The following UBE2L5 variants were observed in gnomAD, a reference collection of about 807,000 sequenced individuals.
UBE2L5 encodes the protein ubiquitin conjugating enzyme E2 L5.
In UBE2L5, 3 loss-of-function variants were observed where a neutral mutation model predicts 10.0. The ratio of observed to expected loss-of-function variants is 0.30; its 90% CI spans 0.14 to 0.78. UBE2L5 has a LOEUF of 0.78. Ranked by LOEUF, UBE2L5 falls within the 30% of genes least tolerant of loss-of-function variation. The probability of loss-of-function intolerance (pLI) is 0.65; values close to 1 mark genes in which losing one functional copy is unlikely to be tolerated. For missense variants in UBE2L5, 131 were observed against 193.3 expected, an observed-to-expected ratio of 0.68 and a Z score of 1.91; for synonymous variants, 60 against 71.9, an observed-to-expected ratio of 0.83 and a Z score of 0.83.
intron 1 of UBE2L5, among the ~76,000 whole-genome samples, chr13:30,423,043 A>G (rs1349904344): frequency 1.3e-5 from 2 of 152,254 alleles, no homozygotes; most frequent in African/African-American, 4.8e-5. Flanking sequence ...AATAATAGCA[A>G]TGACAAAACT....
At chr13:30,423,860 A>C (rs1885501714) in intron 1 of UBE2L5, among the ~76,000 whole-genome samples, 1 of 152,226 alleles carries the variant, frequency 6.6e-6, no homozygotes. Context: ...GCAGATGCAC[A>C]GACAGGTTCT....
In UBE2L5 at chr13:30,429,286, C is replaced by CCG. The variant is rs1885589068; in HGVS notation, c.*832_*833insGC. Among the ~76,000 whole-genome samples the CCG allele has an allele frequency of 6.6e-6, 1 of 151,680 alleles. No homozygotes were observed. Among genetic ancestry groups the CCG allele is most frequent in the East Asian group, 1.9e-4 (1 of 5,160 alleles). ...GGCAACAAGAGCAAAACTCTGTCCC[C>CCG]CCCCCACAAAAAAAAATTGATTGAA... On this transcript the variant is annotated 3_prime_UTR_variant, in exon 4 of 4. Coordinates refer to ENST00000635918, the MANE Select transcript of UBE2L5 (RefSeq NM_001355247.2).
intron 2 of UBE2L5, among the ~76,000 whole-genome samples, chr13:30,426,116 G>A (rs1316122233): frequency 6.6e-6 from 1 of 152,060 alleles, no homozygotes; most frequent in Non-Finnish European, 1.5e-5. Context: ...TTTGAGACCA[G>A]CCTGGCCAAC....
chr13:30,423,022 T>C (rs1342314432), intron 1 of UBE2L5, among the ~76,000 whole-genome samples: 2 of 152,258 alleles, frequency 1.3e-5, no homozygotes, highest in Non-Finnish European at 2.9e-5. Flanking sequence ...AGTAACATGA[T>C]AAAATCATTA....
rs771910218 is a variant in UBE2L5 at position 30,428,493 on chromosome 13, A to G, written c.*38A>G. 1.1e-3 allele frequency: 1,751 copies of G among 1,604,696 alleles called. 2 individuals carry two copies. The highest frequency in any genetic ancestry group is 1.3e-3 in the Non-Finnish European group (1,502 of 1,177,842). ...TTGGTTCCAGCAAGTGTGAGCAGAG[A>G]CCCCGTGCAGTACATTCAGACACCC... On this transcript the variant is annotated 3_prime_UTR_variant, in exon 4 of 4. Coordinates refer to ENST00000635918, the MANE Select transcript of UBE2L5 (RefSeq NM_001355247.2).
Position 30,427,694 on chromosome 13 carries a change from C to A in UBE2L5, c.-297C>A. On this transcript the variant is annotated 5_prime_UTR_variant, in exon 4 of 4. Transcript: ENST00000635918. ...TGGCACGTGCCTGTAATCACAGCCA[C>A]TTGGGAGGCCGAGGCGAGAGGATGG... 1 of 394,962 alleles carries A rather than the reference C, an allele frequency of 2.5e-6. No homozygotes were observed. Among genetic ancestry groups the A allele is most frequent in the Non-Finnish European group, 4.5e-6 (1 of 223,052 alleles). 24.5% of individuals were successfully genotyped at this position (394,962 alleles called of 1,614,324 possible).
At position 30,428,856 on chromosome 13, in the gene UBE2L5, T is replaced by C. The variant is rs1434446178; in HGVS notation, c.*401T>C. 6.6e-6 allele frequency among the ~76,000 whole-genome samples: 1 copy of C among 150,882 alleles called. No individual in the cohort carries two copies. The highest frequency in any genetic ancestry group is 1.5e-5 in the Non-Finnish European group (1 of 67,640). The stretch of plus-strand genomic sequence containing the variant: ...TGTATGCTATATTCCTTGCTTTTTT[T>C]TTTTTTTTTTTGGTGGATGTAGATA... On this transcript the variant is annotated 3_prime_UTR_variant, in exon 4 of 4. Coordinates refer to ENST00000635918, the MANE Select transcript of UBE2L5 (RefSeq NM_001355247.2).
At chr13:30,426,662 TAGCTAGAG>T (rs1479092214) in intron 2 of UBE2L5, 55 bp from the exon 3 acceptor site, 2 of 152,242 alleles carry the variant, frequency 1.3e-5, no homozygotes, top group African/African-American at 4.8e-5. Context: ...TTATTATCTA[TAGCTAGAG>T]AGCTCTCTGT....
rs989956749 is a variant in UBE2L5 at position 30,429,752 on chromosome 13, A to G, written c.*1297A>G. On this transcript the variant is annotated 3_prime_UTR_variant, in exon 4 of 4. Transcript: ENST00000635918. ...AAGAACTTTAATTAAAGGATCAAAA[A>G]GCCCAAGCTCTTGCTTTTGAATAAC... Among the ~76,000 whole-genome samples the G allele has an allele frequency of 1.3e-5, 2 of 152,268 alleles. No homozygotes were observed. The highest frequency in any genetic ancestry group is 4.8e-5 in the African/African-American group (2 of 41,474).
chr13:30,425,781 G>C (rs1228654525), intron 2 of UBE2L5, among the ~76,000 whole-genome samples: 1 of 152,214 alleles, frequency 6.6e-6, no homozygotes, highest in Admixed American at 6.5e-5. Flanking sequence ...CCAGCACTTT[G>C]GGAGTCCAAG....
chr13:30,428,471 G>A lies in UBE2L5; in HGVS notation c.*16G>A. ...TGTGGACTAAAATGTGCCACGATTGGTTCCAGCAAGTGTGAGCAGAGACCC... is the reference window on the plus strand; with the variant it reads ...TGTGGACTAAAATGTGCCACGATTGATTCCAGCAAGTGTGAGCAGAGACCC... On this transcript the variant is annotated 3_prime_UTR_variant, in exon 4 of 4. Transcript: ENST00000635918. The A allele has an allele frequency of 6.2e-7, 1 of 1,610,548 alleles. No homozygotes were observed. Among genetic ancestry groups the A allele is most frequent in the Non-Finnish European group, 8.5e-7 (1 of 1,179,460 alleles).
At chr13:30,426,157 A>C (rs1172383406) in intron 2 of UBE2L5, among the ~76,000 whole-genome samples, 1 of 150,722 alleles carries the variant, frequency 6.6e-6, no homozygotes, top group Non-Finnish European at 1.5e-5. Flanking sequence ...CTAAAAATAC[A>C]AAAATTAGCC....
Position 30,427,947 on chromosome 13 carries a change from G to A in UBE2L5, c.-44G>A, listed in dbSNP as rs1566170320. 2.4e-6 allele frequency: 3 copies of A among 1,246,016 alleles called. No homozygotes were observed. The highest frequency in any genetic ancestry group is 3.0e-5 in the African/African-American group (2 of 67,484). The allele number at this position is 1,246,016 out of a possible 1,614,324, so 77.2% of individuals were successfully genotyped here. On this transcript the variant is annotated 5_prime_UTR_variant, in exon 4 of 4. Transcript: ENST00000635918. ...ACATACACAACCATTAAAAGTGGCCGTTACCACGATGCATTCTGGGAAAGA... is the reference window on the plus strand; with the variant it reads ...ACATACACAACCATTAAAAGTGGCCATTACCACGATGCATTCTGGGAAAGA...
chr13:30,427,910 A>T lies in UBE2L5; in HGVS notation c.-81A>T, dbSNP rs1382207044. 3 of 908,578 alleles carry T rather than the reference A, an allele frequency of 3.3e-6. No individual in the cohort carries two copies. The highest frequency in any genetic ancestry group is 5.4e-6 in the Non-Finnish European group (3 of 557,520). 56.3% of individuals were successfully genotyped at this position (908,578 alleles called of 1,614,324 possible). A position where few individuals can be genotyped will look rare whatever the true frequency, so the allele number is the denominator to read the frequency against. On this transcript the variant is annotated 5_prime_UTR_variant, in exon 4 of 4. Transcript: ENST00000635918. ...GTTCAAACTGCCACATCAGAACGTT[A>T]TTTGAGTGTATACATACACAACCAT... is the stretch of plus-strand genomic sequence containing the variant.
In UBE2L5 at chr13:30,428,244, T is replaced by C; in HGVS notation, c.254T>C (p.Val85Ala). 1.2e-6 allele frequency: 2 copies of C among 1,609,106 alleles called. No individual in the cohort carries two copies. Among genetic ancestry groups the C allele is most frequent in the Non-Finnish European group, 1.7e-6 (2 of 1,176,384 alleles). ...CCGAACATCGACGAAAAGGGGCAGGTCTGTCTGCCAGTAATTAGTGCTGAA... is the reference window on the plus strand; with the variant it reads ...CCGAACATCGACGAAAAGGGGCAGGCCTGTCTGCCAGTAATTAGTGCTGAA... The part of the protein sequence containing the change: ...YHPNIDEKGQ[V>A]CLPVISAENW... Residue 85 changes from valine to alanine, a missense_variant, in exon 4 of 4, where the codon GTC becomes GCC. Transcript: ENST00000635918.
At position 30,428,209 on chromosome 13, in the gene UBE2L5, G is replaced by A; in HGVS notation, c.219G>A (p.Lys73=). Residue 73 remains lysine (K), a synonymous_variant, in exon 4 of 4, where the codon AAG becomes AAA. Transcript: ENST00000635918. ...FKPPRITFKT[K]IYHPNIDEKG... is the part of the protein sequence containing the mutation. ...CACCGAGGATCACATTTAAAACAAA[G>A]ATCTATCACCCGAACATCGACGAAA... The A allele has an allele frequency of 6.2e-7, 1 of 1,608,520 alleles. No homozygotes were observed. Among genetic ancestry groups the A allele is most frequent in the Non-Finnish European group, 8.5e-7 (1 of 1,175,030 alleles).
At chr13:30,424,122 G>A (rs1280691569) in intron 1 of UBE2L5, among the ~76,000 whole-genome samples, 1 of 152,200 alleles carries the variant, frequency 6.6e-6, no homozygotes, top group Non-Finnish European at 1.5e-5. Flanking sequence ...GCCACCCTGG[G>A]TGGGACTGTT....
At chr13:30,424,020 T>C (rs910261437) in intron 1 of UBE2L5, among the ~76,000 whole-genome samples, 5 of 152,248 alleles carry the variant, frequency 3.3e-5, no homozygotes, top group African/African-American at 1.2e-4. Flanking sequence ...GGGTGTAGTT[T>C]AAACTTTTGA....
chr13:30,427,816 A>AT lies in UBE2L5; in HGVS notation c.-173dup. On this transcript the variant is annotated 5_prime_UTR_variant, in exon 4 of 4. The change creates a premature stop within an existing upstream ORF in the 5' untranslated region. Transcript: ENST00000635918. ...GAGACTCTGGCTAAAAAAAAAAAAA[A>AT]TTATAATGTATAGGATTGTGGATGA... 3 of 591,070 alleles carry AT rather than the reference A, an allele frequency of 5.1e-6. No homozygotes were observed. The highest frequency in any genetic ancestry group is 9.0e-6 in the Non-Finnish European group (3 of 332,158). The allele number at this position is 591,070 out of a possible 1,614,324, so 36.6% of individuals were successfully genotyped here. A position where few individuals can be genotyped will look rare whatever the true frequency, so the allele number is the denominator to read the frequency against.
Sources: allele counts gnomAD v4.1 joint callset (sites outside exome capture counted in the v4.1 genomes callset), GRCh38; gene constraint gnomAD v4.1.1; transcripts MANE v1.5; gene names NCBI Gene and HGNC (gene_info 2026-07-23, HGNC 2026-07-21).